Variants in TP53BP1 observed in about 807,000 individuals in gnomAD.
TP53BP1 encodes the protein TP53-binding protein 1.
Under a neutral mutation model 200.8 loss-of-function variants are expected in TP53BP1, and 61 were observed. The observed-to-expected ratio is 0.30, with a 90% CI of 0.25 to 0.38. The LOEUF (loss-of-function observed/expected upper bound fraction) is 0.38, where lower values mean the gene tolerates loss of function less well. TP53BP1 is among the 10% of genes least tolerant of loss of function. TP53BP1 has a pLI of 1.00. For synonymous variants in TP53BP1, 822 were observed against 844.3 expected (o/e 0.97, Z 0.46); for missense variants, 2,144 against 2,371.9 (o/e 0.90, Z 2.00).
At position 43,405,506 on chromosome 15, in the gene TP53BP1, T is replaced by G. The variant is rs1274148080; in HGVS notation, c.*1877A>C. ...CAATAGTCATTTATTGAGCACCTAC[T>G]ACGTACCTTGGTACTGTTCAAGCTG... On this transcript the variant is annotated 3_prime_UTR_variant, in exon 28 of 28. Coordinates refer to ENST00000382044, the MANE Select transcript of TP53BP1 (RefSeq NM_001141980.3). 1 of 484,942 alleles carries G rather than the reference T, an allele frequency of 2.1e-6. No homozygotes were observed. Among genetic ancestry groups the G allele is most frequent in the Non-Finnish European group, 3.7e-6 (1 of 269,712 alleles). 30.0% of individuals were successfully genotyped at this position (484,942 alleles called of 1,614,324 possible). A position where few individuals can be genotyped will look rare whatever the true frequency, so the allele number is the denominator to read the frequency against.
At chr15:43,506,380 G>A (rs1317760052) in intron 1 of TP53BP1, among the ~76,000 whole-genome samples, 3 of 152,116 alleles carry the variant, frequency 2.0e-5, no homozygotes, top group South Asian at 2.1e-4. Context: ...AAGGCCTGGG[G>A]GTTGAGAATT....
intron 7 of TP53BP1, among the ~76,000 whole-genome samples, chr15:43,478,810 C>T (rs2078919807): frequency 6.6e-6 from 1 of 152,164 alleles, no homozygotes; most frequent in Non-Finnish European, 1.5e-5. Flanking sequence ...ACCAGAGAGG[C>T]TAAGAAGACC....
chr15:43,474,382 G>T (rs1228805386), intron 10 of TP53BP1, among the ~76,000 whole-genome samples: 1 of 149,794 alleles, frequency 6.7e-6, no homozygotes, highest in Non-Finnish European at 1.5e-5. Context: ...GGGAGCCCAG[G>T]CAGAGGAGGC....
rs2142900519 is a variant in TP53BP1, at chr15:43,404,345, GC to G, written c.*3037del. On this transcript the variant is annotated 3_prime_UTR_variant, in exon 28 of 28. Coordinates refer to ENST00000382044, the MANE Select transcript of TP53BP1 (RefSeq NM_001141980.3). ...GCTTTTCCAAGAAACTCCTCCCTCC[GC>G]CCCCATCCTCCATATGGAGAGTTGG... The G allele has an allele frequency of 6.3e-7, 1 of 1,582,288 alleles. No homozygotes were observed. The highest frequency in any genetic ancestry group is 8.6e-7 in the Non-Finnish European group (1 of 1,160,346).
Position 43,462,216 on chromosome 15 carries a change from C to CAAAAAAAAAAAAAAAA in TP53BP1, c.1390-5014_1390-4999dup, listed in dbSNP as rs779088744. Among the ~76,000 whole-genome samples, 4 of 34,056 alleles carry CAAAAAAAAAAAAAAAA rather than the reference C, an allele frequency of 1.2e-4. 1 individual carries two copies. The highest frequency in any genetic ancestry group is 9.1e-4 in the East Asian group (1 of 1,094). The allele number at this position is 34,056 out of a possible 152,430, so 22.3% of individuals were successfully genotyped here. A position where few individuals can be genotyped will look rare whatever the true frequency, so the allele number is the denominator to read the frequency against. On this transcript the variant is annotated intron_variant, in intron 11 of 27. Transcript: ENST00000382044. ...ACACGTGGAGAGCGAGACTTCATCT[C>CAAAAAAAAAAAAAAAA]AAAAAAAAAAAAAAAAAAAAAAAAA...
chr15:43,419,494 C>T (rs1446922641), intron 21 of TP53BP1, among the ~76,000 whole-genome samples: 1 of 148,850 alleles, frequency 6.7e-6, no homozygotes, highest in African/African-American at 2.5e-5. Context: ...TGAGTAGCTA[C>T]GACAACAAGC....
At chr15:43,488,516 G>A (rs1016177656) in intron 4 of TP53BP1, among the ~76,000 whole-genome samples, 2 of 152,100 alleles carry the variant, frequency 1.3e-5, no homozygotes, top group Non-Finnish European at 2.9e-5. Flanking sequence ...ACAAACCTAC[G>A]CAGGTGATAA....
At chr15:43,452,888 T>C (rs557872212) in intron 12 of TP53BP1, among the ~76,000 whole-genome samples, 1 of 152,272 alleles carries the variant, frequency 6.6e-6, no homozygotes. Context: ...GAAGCTTCTT[T>C]TGCATTTAAT....
At chr15:43,447,542 A>G in intron 12 of TP53BP1, 57 bp from the exon 13 acceptor site, 1 of 1,393,294 alleles carries the variant, frequency 7.2e-7, no homozygotes, top group African/African-American at 1.5e-5. Context: ...TAAAAAAAAC[A>G]GAAGTATAAA....
intron 1 of TP53BP1, among the ~76,000 whole-genome samples, chr15:43,504,469 T>C (rs1268504905): frequency 6.6e-6 from 1 of 152,176 alleles, no homozygotes; most frequent in African/African-American, 2.4e-5. Flanking sequence ...GATAAGCAAG[T>C]TGCCAAAGTT....
chr15:43,455,781 A>G (rs2046278663), intron 12 of TP53BP1, 111 bp downstream of exon 12: 1 of 1,319,692 alleles, frequency 7.6e-7, no homozygotes, highest in Admixed American at 2.7e-5. Flanking sequence ...TTGTTCATAA[A>G]CATAAACCAA....
At chr15:43,480,303 C>G (rs1203698255) in intron 5 of TP53BP1, among the ~76,000 whole-genome samples, 4 of 151,976 alleles carry the variant, frequency 2.6e-5, no homozygotes, top group Non-Finnish European at 5.9e-5. Context: ...CAAAAATTAG[C>G]CAGGTGTGGT....
rs758167722 is a variant in TP53BP1, at chr15:43,492,411, G to C, written c.65C>G (p.Thr22Ser). Reference sequence around the variant, plus strand: ...AGAATCTTCAATTATCAGGCAAGGAGTATCTTGCTGAGAGAAATCTGAATC... The same window carrying C: ...AGAATCTTCAATTATCAGGCAAGGACTATCTTGCTGAGAGAAATCTGAATC... ...QLDSDFSQQD[T>S]PCLIIEDSQP... is the part of the protein sequence containing the mutation. The change falls in exon 2 of 28, where the codon ACT becomes AGT. Residue 22 changes from threonine to serine, a missense_variant. Physicochemically the swap from Thr to Ser is moderately conservative, Grantham distance 58. Around this residue, in one of 4 missense-constraint regions of TP53BP1, gnomAD observed 1,700 missense variants for 1,710.3 expected, o/e 0.99. Coordinates refer to ENST00000382044, the MANE Select transcript of TP53BP1 (RefSeq NM_001141980.3). 5.0e-6 allele frequency: 8 copies of C among 1,613,986 alleles called. No individual in the cohort carries two copies. The East Asian group carries it at 8.9e-5, about 18-fold the overall frequency.
intron 17 of TP53BP1, among the ~76,000 whole-genome samples, chr15:43,431,476 C>T (rs534734421): frequency 6.6e-6 from 1 of 152,116 alleles, no homozygotes; most frequent in African/African-American, 2.4e-5. Context: ...AACTCCTGGG[C>T]TCAAGTAATC....
chr15:43,505,576 T>C (rs1429350865), intron 1 of TP53BP1, among the ~76,000 whole-genome samples: 3 of 152,218 alleles, frequency 2.0e-5, no homozygotes, highest in Non-Finnish European at 4.4e-5. Flanking sequence ...TTCATTGTCC[T>C]TTGCAATGCT....
chr15:43,423,105 G>A (rs1269732644), intron 18 of TP53BP1, among the ~76,000 whole-genome samples: 2 of 146,430 alleles, frequency 1.4e-5, no homozygotes, highest in African/African-American at 2.5e-5. Flanking sequence ...GCTTTATCTC[G>A]GATGCCTACT....
At chr15:43,460,113 C>A (rs1566947892) in intron 11 of TP53BP1, among the ~76,000 whole-genome samples, 1 of 152,004 alleles carries the variant, frequency 6.6e-6, no homozygotes, top group Non-Finnish European at 1.5e-5. Flanking sequence ...TTTATGTAAC[C>A]AATACTTCAA....
At chr15:43,453,065 G>A (rs1434287593) in intron 12 of TP53BP1, among the ~76,000 whole-genome samples, 2 of 151,652 alleles carry the variant, frequency 1.3e-5, no homozygotes, top group South Asian at 2.1e-4. Flanking sequence ...GTGGTGGTGG[G>A]CGCCTGTAAT....
intron 1 of TP53BP1, among the ~76,000 whole-genome samples, chr15:43,505,336 T>G (rs1407735214): frequency 2.0e-5 from 3 of 152,214 alleles, no homozygotes; most frequent in Non-Finnish European, 4.4e-5. Flanking sequence ...CACCATCATC[T>G]CTACCACCAC....
Sources: allele counts gnomAD v4.1 joint callset (sites outside exome capture counted in the v4.1 genomes callset), GRCh38; gene constraint gnomAD v4.1.1; regional missense constraint gnomAD v4.1.1; transcripts MANE v1.5; gene names NCBI Gene and HGNC (gene_info 2026-07-23, HGNC 2026-07-21).